The following RHBDL2 variants were observed in gnomAD, a reference collection of about 807,000 sequenced individuals.
The protein encoded by RHBDL2 is rhomboid-related protein 2.
Under a neutral mutation model 31.7 loss-of-function variants are expected in RHBDL2, and 26 were observed. The observed-to-expected ratio is 0.82, with a 90% CI of 0.60 to 1.14. The LOEUF (loss-of-function observed/expected upper bound fraction) is 1.14. RHBDL2 is among the 50% of genes most tolerant of loss of function. RHBDL2 has a pLI of 0.00. For missense variants in RHBDL2, 336 were observed against 364.4 expected (o/e 0.92, Z 0.63); for synonymous variants, 123 against 127.2 (o/e 0.97, Z 0.22).
chr1:38,938,819 C>A (rs1390106587), intron 1 of RHBDL2, among the ~76,000 whole-genome samples: 1 of 152,176 alleles, frequency 6.6e-6, no homozygotes, highest in Middle Eastern at 3.2e-3. Context: ...GCATCAATGT[C>A]TTCTTTGTAT....
chr1:38,935,894 A>G (rs1643499830), intron 1 of RHBDL2, among the ~76,000 whole-genome samples: 2 of 152,130 alleles, frequency 1.3e-5, no homozygotes, highest in African/African-American at 2.4e-5. Flanking sequence ...GATGACAGGT[A>G]TGAGCCACCA....
chr1:38,937,864 A>G (rs1022981404), intron 1 of RHBDL2, among the ~76,000 whole-genome samples: 1 of 152,212 alleles, frequency 6.6e-6, no homozygotes, highest in African/African-American at 2.4e-5. Context: ...GAGATCCTTC[A>G]TGAACAAACC....
At chr1:38,912,294 T>TG in intron 3 of RHBDL2, among the ~76,000 whole-genome samples, 1 of 151,760 alleles carries the variant, frequency 6.6e-6, no homozygotes, top group African/African-American at 2.4e-5. Context: ...TTAGTAGAGA[T>TG]GGGGTTTCAC....
chr1:38,936,897 G>A (rs1307147112), intron 1 of RHBDL2, among the ~76,000 whole-genome samples: 3 of 151,866 alleles, frequency 2.0e-5, no homozygotes, highest in Admixed American at 1.3e-4. Flanking sequence ...GCCTCCCAAA[G>A]TGCTGGGATT....
chr1:38,918,835 G>A, intron 2 of RHBDL2, 132 bp downstream of exon 2: 1 of 1,082,022 alleles, frequency 9.2e-7, no homozygotes, highest in African/African-American at 1.6e-5. Flanking sequence ...GAGGTGAGGT[G>A]TGTGCTGTCC....
intron 1 of RHBDL2, among the ~76,000 whole-genome samples, chr1:38,923,392 G>C (rs905811589): frequency 3.3e-5 from 5 of 152,218 alleles, no homozygotes; most frequent in African/African-American, 1.2e-4. Flanking sequence ...TTTTCTAACA[G>C]TTCTAATTCA....
At chr1:38,918,890 G>C in intron 2 of RHBDL2, 77 bp downstream of exon 2, 1 of 1,533,670 alleles carries the variant, frequency 6.5e-7, no homozygotes, top group Non-Finnish European at 8.9e-7. Flanking sequence ...CTCTTCTCTA[G>C]ATCTAGATCT....
At chr1:38,917,704 C>G (rs1643258556) in intron 2 of RHBDL2, among the ~76,000 whole-genome samples, 1 of 152,164 alleles carries the variant, frequency 6.6e-6, no homozygotes, top group Admixed American at 6.6e-5. Context: ...AGAACTGTGC[C>G]CCTTCACCCT....
chr1:38,936,319 G>T (rs1278015538), intron 1 of RHBDL2, among the ~76,000 whole-genome samples: 2 of 150,902 alleles, frequency 1.3e-5, no homozygotes, highest in African/African-American at 2.4e-5. Flanking sequence ...GTTTTTGGGG[G>T]TTTTTTTGAG....
At chr1:38,928,545 C>A (rs1043562745) in intron 1 of RHBDL2, among the ~76,000 whole-genome samples, 19 of 152,166 alleles carry the variant, frequency 1.2e-4, no homozygotes, top group African/African-American at 4.6e-4. Flanking sequence ...CTCCTAAGTT[C>A]AAGAGAGTCT....
intron 1 of RHBDL2, among the ~76,000 whole-genome samples, chr1:38,934,714 T>C (rs1324145928): frequency 1.3e-5 from 2 of 149,984 alleles, no homozygotes; most frequent in Admixed American, 6.7e-5. Context: ...TCCCAGCATT[T>C]TGGGGGGCCG....
intron 1 of RHBDL2, among the ~76,000 whole-genome samples, chr1:38,922,196 CAT>C (rs1225412885): frequency 6.6e-6 from 1 of 151,750 alleles, no homozygotes; most frequent in East Asian, 1.9e-4. Flanking sequence ...GTAAAGTAGA[CAT>C]GTAGTTCTAG....
chr1:38,902,140 G>T (rs1409368628), intron 4 of RHBDL2, among the ~76,000 whole-genome samples: 1 of 149,426 alleles, frequency 6.7e-6, no homozygotes, highest in Non-Finnish European at 1.5e-5. Context: ...CATTTAAAAG[G>T]ATTCAAGTCA....
chr1:38,936,423 C>G (rs1423000686), intron 1 of RHBDL2, among the ~76,000 whole-genome samples: 1 of 151,914 alleles, frequency 6.6e-6, no homozygotes, highest in African/African-American at 2.4e-5. Flanking sequence ...ATTCTCCTGC[C>G]TCAGCCTCCT....
chr1:38,914,937 G>C lies in RHBDL2; in HGVS notation c.395+625C>G, dbSNP rs369003133. On this transcript the variant is annotated intron_variant, in intron 3 of 7. Coordinates refer to ENST00000372990, the MANE Select transcript of RHBDL2 (RefSeq NM_017821.5). ...CCAGCTACTCAGGAGGCTGAGGCAG[G>C]AGAATCGCTCCAACCCAGGAGGCGG... 4.6e-5 allele frequency among the ~76,000 whole-genome samples: 7 copies of C among 150,756 alleles called. No homozygotes were observed. The East Asian group carries it at 1.4e-3, about 31-fold the overall frequency.
intron 1 of RHBDL2, among the ~76,000 whole-genome samples, chr1:38,936,450 A>G (rs2124357186): frequency 6.6e-6 from 1 of 150,764 alleles, no homozygotes; most frequent in East Asian, 2.0e-4. Context: ...CTGGGATTAC[A>G]GCAGGCACAT....
At chr1:38,891,567 C>A (rs1489771867) in intron 6 of RHBDL2, among the ~76,000 whole-genome samples, 2 of 152,186 alleles carry the variant, frequency 1.3e-5, no homozygotes, top group African/African-American at 4.8e-5. Context: ...AGCTCAGCTC[C>A]TGCAGCAGCT....
intron 1 of RHBDL2, among the ~76,000 whole-genome samples, chr1:38,931,534 GA>G (rs1557624178): frequency 1.3e-5 from 2 of 148,596 alleles, no homozygotes; most frequent in African/African-American, 5.0e-5. Context: ...AAAAAAAAAA[GA>G]AAAGAAAAAA....
At chr1:38,928,343 C>T (rs1292006924) in intron 1 of RHBDL2, among the ~76,000 whole-genome samples, 8 of 151,900 alleles carry the variant, frequency 5.3e-5, no homozygotes, top group East Asian at 1.9e-4. Flanking sequence ...GGGGTTTCAC[C>T]GTATTAGCCA....
Sources: allele counts gnomAD v4.1 joint callset (sites outside exome capture counted in the v4.1 genomes callset), GRCh38; gene constraint gnomAD v4.1.1; transcripts MANE v1.5; gene names NCBI Gene and HGNC (gene_info 2026-07-23, HGNC 2026-07-21).